DNAH11: variants seen among roughly 807,000 people sequenced by gnomAD.
DNAH11 encodes axonemal beta dynein heavy chain 11.
A neutral mutation model predicts 526.0 loss-of-function variants in DNAH11; 442 were observed. That is an observed-to-expected ratio of 0.84 (90% confidence interval 0.78 to 0.91). The LOEUF (loss-of-function observed/expected upper bound fraction) is 0.91. Among genes scored for constraint, DNAH11 ranks in the 40% least tolerant of loss-of-function variants. DNAH11 has a pLI of 0.00. For missense variants in DNAH11, 6,989 were observed against 5,448.7 expected (o/e 1.28, Z -8.90); for synonymous variants, 2,461 against 1,935.9 (o/e 1.27, Z -7.12).
At chr7:21,579,445 G>T (rs543461862) in intron 8 of DNAH11, among the ~76,000 whole-genome samples, 18 of 152,322 alleles carry the variant, frequency 1.2e-4, no homozygotes, top group Non-Finnish European at 7.4e-5. Flanking sequence ...GGAGTATGAA[G>T]AGTACAGAGT....
At chr7:21,900,768 C>A in intron 81 of DNAH11, 1 of 409,000 alleles carries the variant, frequency 2.4e-6, no homozygotes, top group Non-Finnish European at 4.2e-6. Flanking sequence ...TTCATAAAAT[C>A]AGCTTACTTC....
chr7:21,707,905 A>G, intron 40 of DNAH11, 70 bp downstream of exon 40: 1 of 1,473,358 alleles, frequency 6.8e-7, no homozygotes, highest in South Asian at 1.5e-5. Context: ...AGTACAAGCC[A>G]ATTTTAGTCA....
intron 1 of DNAH11, among the ~76,000 whole-genome samples, chr7:21,544,286 T>A (rs1782720742): frequency 6.6e-6 from 1 of 152,258 alleles, no homozygotes; most frequent in South Asian, 2.1e-4. Flanking sequence ...AGCGCAATGC[T>A]CAGTTTAACA....
At chr7:21,640,508 C>T (rs551488810) in intron 28 of DNAH11, among the ~76,000 whole-genome samples, 1 of 149,212 alleles carries the variant, frequency 6.7e-6, no homozygotes, top group African/African-American at 2.6e-5. Flanking sequence ...GGTAAGCATT[C>T]TTTTTCTTTT....
chr7:21,636,202 G>C, intron 26 of DNAH11, 107 bp downstream of exon 26: 1 of 948,538 alleles, frequency 1.1e-6, no homozygotes, highest in Non-Finnish European at 1.5e-6. Context: ...GAGTAAGCAG[G>C]AGTCAGGAGA....
At chr7:21,672,736 T>C (rs1782693882) in intron 30 of DNAH11, among the ~76,000 whole-genome samples, 1 of 152,188 alleles carries the variant, frequency 6.6e-6, no homozygotes, top group South Asian at 2.1e-4. Context: ...TTTGTTGCCT[T>C]ATTTAAACCT....
At chr7:21,744,231 A>T (rs946759102) in intron 49 of DNAH11, among the ~76,000 whole-genome samples, 3 of 152,240 alleles carry the variant, frequency 2.0e-5, no homozygotes, top group African/African-American at 4.8e-5. Flanking sequence ...TCGCATACCT[A>T]AAAATGGGTA....
At chr7:21,624,536 G>C (rs1204520651) in intron 25 of DNAH11, among the ~76,000 whole-genome samples, 2 of 152,064 alleles carry the variant, frequency 1.3e-5, no homozygotes, top group African/African-American at 4.8e-5. Context: ...CTTTCCATTT[G>C]AGTGCTTTTT....
chr7:21,867,609 G>A (rs1783330526), intron 71 of DNAH11, among the ~76,000 whole-genome samples: 1 of 152,134 alleles, frequency 6.6e-6, no homozygotes. Flanking sequence ...GGCACTCAGG[G>A]GGGTCTCAGT....
intron 39 of DNAH11, among the ~76,000 whole-genome samples, chr7:21,707,006 A>G (rs1335580971): frequency 6.6e-6 from 1 of 152,210 alleles, no homozygotes; most frequent in Non-Finnish European, 1.5e-5. Context: ...AGCACTGTTG[A>G]CATTCTGGAC....
rs766644770 is a variant in DNAH11 at position 21,690,718 on chromosome 7, A to G, written c.5925-47A>G. 4 of 1,396,514 alleles carry G rather than the reference A, an allele frequency of 2.9e-6. No individual in the cohort carries two copies. The South Asian group carries it at 3.7e-5, about 13-fold the overall frequency. 86.5% of individuals were successfully genotyped at this position (1,396,514 alleles called of 1,614,324 possible). On this transcript the variant is annotated intron_variant, in intron 34 of 81. Transcript: ENST00000409508. The stretch of plus-strand genomic sequence containing the variant: ...GGTTTGCATTTGTCAATGTGCATTC[A>G]TATTCAATGAACACATTTAATTTCA...
chr7:21,657,744 G>A (rs1267968883), intron 29 of DNAH11, among the ~76,000 whole-genome samples: 2 of 152,180 alleles, frequency 1.3e-5, no homozygotes, highest in African/African-American at 4.8e-5. Context: ...CTGAACTCAT[G>A]CATGTTAACA....
Position 21,854,454 on chromosome 7 carries a change from A to G in DNAH11, c.11201A>G (p.Lys3734Arg). The change falls in exon 68 of 82, where the codon AAG (lysine) becomes AGG (arginine). Residue 3734 changes from lysine (K) to arginine (R), a missense_variant and splice_region_variant. Lys to Arg is a conservative substitution (Grantham distance 26). Transcript: ENST00000409508. ...AACCCCCTCTACCAATTCTCTTTGA[A>G]GGTAATGCTGAATGAGCTAAGAAAT... Reference protein sequence around the residue: ...KINPLYQFSLKAFNVLFHRAI... With the variant: ...KINPLYQFSLRAFNVLFHRAI... The G allele has an allele frequency of 6.2e-7, 1 of 1,613,068 alleles. No individual in the cohort carries two copies.
At chr7:21,859,829 G>C (rs1261306889) in intron 68 of DNAH11, among the ~76,000 whole-genome samples, 1 of 152,000 alleles carries the variant, frequency 6.6e-6, no homozygotes, top group Non-Finnish European at 1.5e-5. Flanking sequence ...GATCTTTAAA[G>C]GAAGAAGAGG....
intron 41 of DNAH11, 62 bp downstream of exon 41, chr7:21,710,765 T>G: frequency 6.7e-7 from 1 of 1,488,218 alleles, no homozygotes; most frequent in Non-Finnish European, 9.0e-7. Context: ...AGAGTTCGAT[T>G]CACTTGTCGA....
Position 21,683,835 on chromosome 7 carries a change from G to C in DNAH11, c.5512G>C (p.Glu1838Gln), listed in dbSNP as rs1357006766. The change falls in exon 32 of 82, where the codon GAG becomes CAG. Residue 1838 changes from glutamate to glutamine, a missense_variant. Physicochemically the swap from Glu to Gln is conservative, Grantham distance 29. Coordinates refer to ENST00000409508, the MANE Select transcript of DNAH11 (RefSeq NM_001277115.2). ...TWLSQLRHRW[E>Q]DTQKHCFVNI... is the part of the protein sequence containing the mutation. ...GCTGTCTCAACTTCGTCACCGATGG[G>C]AGGATACCCAGAAACACTGCTTTGT... is the stretch of plus-strand genomic sequence containing the variant. The C allele has an allele frequency of 6.2e-7, 1 of 1,613,132 alleles. No individual in the cohort carries two copies. The highest frequency in any genetic ancestry group is 1.3e-5 in the African/African-American group (1 of 74,906).
At chr7:21,655,480 C>T (rs1781974031) in intron 28 of DNAH11, among the ~76,000 whole-genome samples, 1 of 152,108 alleles carries the variant, frequency 6.6e-6, no homozygotes, top group Non-Finnish European at 1.5e-5. Context: ...TGCTAGGAAT[C>T]TGAATTTTTA....
intron 65 of DNAH11, among the ~76,000 whole-genome samples, chr7:21,838,370 A>G (rs1782073051): frequency 6.6e-6 from 1 of 152,188 alleles, no homozygotes; most frequent in African/African-American, 2.4e-5. Flanking sequence ...TTTTTTTGGT[A>G]GCATCCTTAT....
At chr7:21,839,092 T>G (rs143723950) in intron 65 of DNAH11, among the ~76,000 whole-genome samples, 37 of 152,298 alleles carry the variant, frequency 2.4e-4, no homozygotes, top group African/African-American at 7.9e-4. Context: ...TGGTGACTAA[T>G]GATATTAAGC....
Sources: gnomAD v4.1 joint callset for allele counts (sites outside exome capture counted in the v4.1 genomes callset) on GRCh38, gnomAD v4.1.1 for gene constraint, MANE v1.5 for transcripts, NCBI Gene and HGNC (gene_info 2026-07-23, HGNC 2026-07-21) for gene names.